Variants in NR3C2 observed in about 807,000 individuals in gnomAD.
The protein encoded by NR3C2 is mineralocorticoid receptor.
Under a neutral mutation model 86.4 loss-of-function variants are expected in NR3C2, and 15 were observed. The ratio of observed to expected loss-of-function variants is 0.17; its 90% CI spans 0.12 to 0.27. The LOEUF is 0.27. Ranked by LOEUF, NR3C2 falls within the 10% of genes least tolerant of loss-of-function variation. The pLI is 1.00. For missense variants in NR3C2, 960 were observed against 1,195.6 expected, an observed-to-expected ratio of 0.80 and a Z score of 2.91; for synonymous variants, 458 against 450.5, an observed-to-expected ratio of 1.02 and a Z score of -0.21.
At chr4:148,361,343 T>C (rs1001896988) in intron 2 of NR3C2, among the ~76,000 whole-genome samples, 1 of 152,220 alleles carries the variant, frequency 6.6e-6, no homozygotes, top group African/African-American at 2.4e-5. Context: ...GGCTACGATA[T>C]TCTTTTCTTT....
chr4:148,359,457 T>A (rs1323919688), intron 2 of NR3C2, among the ~76,000 whole-genome samples: 3 of 152,152 alleles, frequency 2.0e-5, no homozygotes, highest in Non-Finnish European at 4.4e-5. Flanking sequence ...AACAAAGGAT[T>A]CTAGTGACCT....
At chr4:148,356,448 G>GA (rs2149998304) in intron 2 of NR3C2, among the ~76,000 whole-genome samples, 1 of 152,182 alleles carries the variant, frequency 6.6e-6, no homozygotes, top group Non-Finnish European at 1.5e-5. Flanking sequence ...ATCTGGGGGA[G>GA]AAAAAAGTGA....
chr4:148,220,745 A>G (rs1393967442), intron 3 of NR3C2, among the ~76,000 whole-genome samples: 2 of 152,208 alleles, frequency 1.3e-5, no homozygotes, highest in African/African-American at 4.8e-5. Flanking sequence ...GCAGTAAGCC[A>G]TGATTGTGCC....
intron 3 of NR3C2, among the ~76,000 whole-genome samples, chr4:148,232,824 T>A (rs898180467): frequency 6.6e-6 from 1 of 152,236 alleles, no homozygotes; most frequent in African/African-American, 2.4e-5. Flanking sequence ...CCATCAGCAC[T>A]TCCATCAACG....
intron 2 of NR3C2, among the ~76,000 whole-genome samples, chr4:148,416,241 A>G (rs1419650553): frequency 6.6e-6 from 1 of 152,228 alleles, no homozygotes; most frequent in Non-Finnish European, 1.5e-5. Flanking sequence ...TTCCATATGT[A>G]TAACAACTTC....
intron 2 of NR3C2, among the ~76,000 whole-genome samples, chr4:148,314,355 T>C (rs1743057441): frequency 6.6e-6 from 1 of 152,190 alleles, no homozygotes; most frequent in Admixed American, 6.5e-5. Flanking sequence ...TTTAGATATA[T>C]AACTATGCTT....
chr4:148,226,754 C>A (rs754223837), intron 3 of NR3C2, among the ~76,000 whole-genome samples: 1 of 152,110 alleles, frequency 6.6e-6, no homozygotes, highest in Non-Finnish European at 1.5e-5. Flanking sequence ...TTGGTGTTTT[C>A]TATCTTTATC....
chr4:148,318,388 C>T (rs940527157), intron 2 of NR3C2, among the ~76,000 whole-genome samples: 12 of 151,278 alleles, frequency 7.9e-5, no homozygotes, highest in Non-Finnish European at 1.2e-4. Context: ...TGGGTATATA[C>T]CCAGTAATGG....
chr4:148,129,033 G>T (rs1201418710), intron 6 of NR3C2, among the ~76,000 whole-genome samples: 1 of 152,180 alleles, frequency 6.6e-6, no homozygotes, highest in East Asian at 1.9e-4. Flanking sequence ...TCTACTTAAT[G>T]AATCTCTGCA....
At chr4:148,219,073 C>T (rs749505042) in intron 3 of NR3C2, among the ~76,000 whole-genome samples, 11 of 152,148 alleles carry the variant, frequency 7.2e-5, no homozygotes, top group Non-Finnish European at 1.6e-4. Context: ...TTTACATTTC[C>T]ACCAGCAATA....
intron 3 of NR3C2, among the ~76,000 whole-genome samples, chr4:148,259,212 T>C (rs1164154684): frequency 6.6e-6 from 1 of 152,184 alleles, no homozygotes; most frequent in Non-Finnish European, 1.5e-5. Context: ...TAATTGTCCA[T>C]TACACAATGA....
At chr4:148,290,373 G>GA (rs1741740676) in intron 2 of NR3C2, among the ~76,000 whole-genome samples, 1 of 152,148 alleles carries the variant, frequency 6.6e-6, no homozygotes, top group African/African-American at 2.4e-5. Flanking sequence ...GGCAAAGAGA[G>GA]AAGCATAAAT....
intron 8 of NR3C2, among the ~76,000 whole-genome samples, chr4:148,095,737 G>A (rs1462489168): frequency 6.6e-6 from 1 of 152,212 alleles, no homozygotes; most frequent in Non-Finnish European, 1.5e-5. Context: ...CTAGACTGGT[G>A]CAGGCTCAGG....
At chr4:148,249,259 A>G (rs1259235609) in intron 3 of NR3C2, among the ~76,000 whole-genome samples, 1 of 152,116 alleles carries the variant, frequency 6.6e-6, no homozygotes, top group Non-Finnish European at 1.5e-5. Flanking sequence ...AATAAAATAT[A>G]AAAAGGGATT....
Position 148,408,926 on chromosome 4 carries a change from T to C in NR3C2, c.1757+26178A>G, listed in dbSNP as rs1177019620. ...CATTTTCCTGTATCTTGAAAGTTAT[T>C]AGAAATATTTAAAACATCTACTAGT... On this transcript the variant is annotated intron_variant, in intron 2 of 8. Transcript: ENST00000358102. 2.0e-5 allele frequency among the ~76,000 whole-genome samples: 3 copies of C among 152,158 alleles called. No individual in the cohort carries two copies. The East Asian group carries it at 5.8e-4, about 29-fold the overall frequency.
At position 148,226,912 on chromosome 4, in the gene NR3C2, TATTTTTA is replaced by T. The variant is rs564712402; in HGVS notation, c.1898-32057_1898-32051del. On this transcript the variant is annotated intron_variant, in intron 3 of 8. Transcript: ENST00000358102. ...AGCCTGTCTTTAAGTCTTTGGGTAG[TATTTTTA>T]ATTTTTGATTTTCAAATAATTTCAG... 5.1e-4 allele frequency among the ~76,000 whole-genome samples: 77 copies of T among 152,332 alleles called. 1 individual carries two copies. In the Middle Eastern group the frequency reaches 0.017, roughly 34 times the overall value.
chr4:148,422,541 A>G (rs1749334236), intron 2 of NR3C2, among the ~76,000 whole-genome samples: 1 of 152,186 alleles, frequency 6.6e-6, no homozygotes, highest in Non-Finnish European at 1.5e-5. Context: ...AAGTAAATAC[A>G]AACTTCACCA....
chr4:148,444,895 T>A, upstream of NR3C2: 2 of 984,632 alleles, frequency 2.0e-6, no homozygotes, highest in Non-Finnish European at 2.4e-6. Context: ...CGCCCGCCGC[T>A]CCGCAGCGCC....
At chr4:148,197,163 T>A (rs1736479812) in intron 3 of NR3C2, among the ~76,000 whole-genome samples, 1 of 152,206 alleles carries the variant, frequency 6.6e-6, no homozygotes, top group South Asian at 2.1e-4. Flanking sequence ...GCAATATAAT[T>A]TACTGTTGGT....
Sources: allele counts gnomAD v4.1 joint callset (sites outside exome capture counted in the v4.1 genomes callset), GRCh38; gene constraint gnomAD v4.1.1; transcripts MANE v1.5; gene names NCBI Gene and HGNC (gene_info 2026-07-23, HGNC 2026-07-21).